The following DLG2 variants were observed in gnomAD, a reference collection of about 807,000 sequenced individuals.
DLG2 encodes the protein discs large MAGUK scaffold protein 2, also known as disks large homolog 2.
In DLG2, 45 loss-of-function variants were observed where a neutral mutation model predicts 132.5. That is an observed-to-expected ratio of 0.34 (90% confidence interval 0.27 to 0.44). DLG2 has a LOEUF of 0.44. DLG2 is among the 20% of genes least tolerant of loss of function. The pLI is 1.00. For missense variants in DLG2, 1,045 were observed against 1,196.9 expected (o/e 0.87, Z 1.87); for synonymous variants, 424 against 419.6 (o/e 1.01, Z -0.13).
At chr11:84,684,716 G>A (rs563821612) in intron 6 of DLG2, among the ~76,000 whole-genome samples, 23 of 152,252 alleles carry the variant, frequency 1.5e-4, no homozygotes, top group Non-Finnish European at 2.8e-4. Flanking sequence ...TCTCAGAACT[G>A]TTGTAAAATT....
intron 3 of DLG2, among the ~76,000 whole-genome samples, chr11:85,444,037 T>A (rs927640628): frequency 2.0e-5 from 3 of 152,234 alleles, no homozygotes; most frequent in Non-Finnish European, 2.9e-5. Context: ...TGGCAAAGTA[T>A]GATTTTATGT....
intron 6 of DLG2, among the ~76,000 whole-genome samples, chr11:84,649,954 A>C (rs1205409975): frequency 6.6e-6 from 1 of 152,188 alleles, no homozygotes; most frequent in Non-Finnish European, 1.5e-5. Flanking sequence ...GTTCCTTCAG[A>C]AACTATTCCA....
intron 6 of DLG2, among the ~76,000 whole-genome samples, chr11:84,958,266 GT>G (rs569639682): frequency 6.4e-4 from 97 of 152,174 alleles, no homozygotes; most frequent in African/African-American, 2.3e-3. Context: ...CCAAGCCCAA[GT>G]TTTTTAGCCA....
intron 2 of DLG2, among the ~76,000 whole-genome samples, chr11:85,624,901 A>G (rs1024242061): frequency 2.6e-5 from 4 of 152,150 alleles, no homozygotes; most frequent in African/African-American, 9.6e-5. Flanking sequence ...AGAGAGGAAG[A>G]AGGAAAGAAA....
At position 83,459,286 on chromosome 11, in the gene DLG2, C is replaced by G. The variant is rs1300680054; in HGVS notation, c.*532G>C. 1 of 152,738 alleles carries G rather than the reference C, an allele frequency of 6.5e-6. No homozygotes were observed. Among genetic ancestry groups the G allele is most frequent in the Non-Finnish European group, 1.5e-5 (1 of 68,106 alleles). 9.5% of individuals were successfully genotyped at this position (152,738 alleles called of 1,614,324 possible). On this transcript the variant is annotated 3_prime_UTR_variant, in exon 28 of 28. Transcript: ENST00000376104. ...TGCAGATGCCAGTCAAAAAACTACA[C>G]ACTTATCCTTCCCTGATAGTATGTC... is the stretch of plus-strand genomic sequence containing the variant.
chr11:84,712,188 T>G (rs759036957), intron 6 of DLG2, among the ~76,000 whole-genome samples: 4 of 152,100 alleles, frequency 2.6e-5, no homozygotes, highest in Admixed American at 6.6e-5. Context: ...TCTGAGCTCT[T>G]TCAGTATTCT....
chr11:84,949,053 G>A (rs962299209), intron 6 of DLG2, among the ~76,000 whole-genome samples: 3 of 152,258 alleles, frequency 2.0e-5, no homozygotes, highest in East Asian at 1.9e-4. Flanking sequence ...CGAAAATCAC[G>A]TAGGTTCTTT....
intron 7 of DLG2, among the ~76,000 whole-genome samples, chr11:84,340,610 G>A (rs749130462): frequency 6.6e-6 from 1 of 152,088 alleles, no homozygotes; most frequent in African/African-American, 2.4e-5. Flanking sequence ...CAAAGATCTC[G>A]AGTAATATCT....
intron 18 of DLG2, among the ~76,000 whole-genome samples, chr11:83,719,943 T>TGCTA (rs1353851022): frequency 1.3e-5 from 2 of 152,108 alleles, no homozygotes; most frequent in African/African-American, 4.8e-5. Context: ...GTATATTACA[T>TGCTA]GCTATCTCCA....
At chr11:85,421,019 A>T (rs2090262391) in intron 3 of DLG2, among the ~76,000 whole-genome samples, 1 of 152,162 alleles carries the variant, frequency 6.6e-6, no homozygotes, top group Admixed American at 6.5e-5. Flanking sequence ...TAAAAATGAA[A>T]AAAACACTCC....
At chr11:84,702,924 A>T (rs970730029) in intron 6 of DLG2, among the ~76,000 whole-genome samples, 1 of 151,702 alleles carries the variant, frequency 6.6e-6, no homozygotes, top group African/African-American at 2.4e-5. Context: ...ATGAATTAAT[A>T]ATTACTTATC....
rs752558196 is a variant in DLG2, at chr11:84,273,394, TAAAAA to T, written c.520-22108_520-22104del. Reference sequence around the variant, plus strand: ...CTACACAAACTGCTATCTTAAGACTTAAAAAAAAAGTTAATCAGAACATTTCTTTT... The same window carrying T: ...CTACACAAACTGCTATCTTAAGACTTAAAAGTTAATCAGAACATTTCTTTT... On this transcript the variant is annotated intron_variant, in intron 7 of 27. Transcript: ENST00000376104. 68 of 1,255,068 alleles carry T rather than the reference TAAAAA, an allele frequency of 5.4e-5. No individual in the cohort carries two copies. The East Asian group carries it at 2.0e-3, about 37-fold the overall frequency. 77.7% of individuals were successfully genotyped at this position (1,255,068 alleles called of 1,614,324 possible).
At chr11:84,756,423 T>C (rs575602391) in intron 6 of DLG2, among the ~76,000 whole-genome samples, 2 of 152,326 alleles carry the variant, frequency 1.3e-5, no homozygotes, top group Admixed American at 6.5e-5. Context: ...ACTCAAGCTA[T>C]TGACTATGTT....
At chr11:85,362,608 AT>A (rs796588054) in intron 3 of DLG2, among the ~76,000 whole-genome samples, 3 of 147,044 alleles carry the variant, frequency 2.0e-5, no homozygotes, top group Non-Finnish European at 3.0e-5. Context: ...CTTTTTTTTT[AT>A]TTTTTTTTAA....
intron 6 of DLG2, among the ~76,000 whole-genome samples, chr11:84,857,393 G>A (rs937352331): frequency 6.6e-6 from 1 of 151,724 alleles, no homozygotes; most frequent in Non-Finnish European, 1.5e-5. Flanking sequence ...TGAGTCCTCA[G>A]TGAGTAATTT....
intron 8 of DLG2, among the ~76,000 whole-genome samples, chr11:84,186,351 T>G (rs2096275957): frequency 6.6e-6 from 1 of 152,084 alleles, no homozygotes; most frequent in Non-Finnish European, 1.5e-5. Context: ...CTATTCATTT[T>G]TCTTTAAAAA....
Position 84,117,487 on chromosome 11 carries a change from C to T in DLG2, c.625-18440G>A, listed in dbSNP as rs565850537. Among the ~76,000 whole-genome samples, 4 of 152,326 alleles carry T rather than the reference C, an allele frequency of 2.6e-5. No individual in the cohort carries two copies. In the South Asian group the frequency reaches 6.2e-4, roughly 24 times the overall value. ...TCTCCCTTCATTCCTCCTCCCAACT[C>T]CTACTTATAGATTCCTAAAGACACT... On this transcript the variant is annotated intron_variant, in intron 9 of 27. Coordinates refer to ENST00000376104, the MANE Select transcript of DLG2 (RefSeq NM_001142699.3).
chr11:84,390,719 A>C (rs183342767), intron 7 of DLG2, among the ~76,000 whole-genome samples: 84 of 152,306 alleles, frequency 5.5e-4, no homozygotes, highest in African/African-American at 2.0e-3. Context: ...CACTGTGGGG[A>C]ATTTATTTCA....
chr11:84,297,004 C>T (rs1789769438), intron 7 of DLG2, among the ~76,000 whole-genome samples: 1 of 151,886 alleles, frequency 6.6e-6, no homozygotes, highest in South Asian at 2.1e-4. Flanking sequence ...GGATGATCTA[C>T]AGCCTGTGGT....
Sources: allele counts gnomAD v4.1 joint callset (sites outside exome capture counted in the v4.1 genomes callset), GRCh38; gene constraint gnomAD v4.1.1; transcripts MANE v1.5; gene names NCBI Gene and HGNC (gene_info 2026-07-23, HGNC 2026-07-21).